The following SLX9 variants were observed in gnomAD, a reference collection of about 807,000 sequenced individuals.
The protein encoded by SLX9 is SLX9 ribosome biogenesis factor.
A neutral mutation model predicts 20.8 loss-of-function variants in SLX9; 19 were observed. The observed-to-expected ratio is 0.91, with a 90% CI of 0.64 to 1.34. The LOEUF is 1.34. Among genes scored for constraint, SLX9 ranks in the 40% most tolerant of loss-of-function variants. The pLI is 0.00. For missense variants in SLX9, 299 were observed against 322.2 expected, an observed-to-expected ratio of 0.93 and a Z score of 0.55; for synonymous variants, 113 against 137.1, an observed-to-expected ratio of 0.82 and a Z score of 1.23.
At chr21:44,950,306 T>A (rs557142511) in intron 2 of SLX9, among the ~76,000 whole-genome samples, 1 of 151,792 alleles carries the variant, frequency 6.6e-6, no homozygotes, top group East Asian at 1.9e-4. Context: ...CAGGAAACCA[T>A]GCAGAATGTA....
intron 2 of SLX9, among the ~76,000 whole-genome samples, chr21:44,949,479 G>A (rs895800760): frequency 1.3e-5 from 2 of 152,106 alleles, no homozygotes; most frequent in Non-Finnish European, 2.9e-5. Flanking sequence ...TCCCCAAAGC[G>A]CGGCCCCAGC....
chr21:44,968,227 A>G (rs1277609896), intron 4 of SLX9, among the ~76,000 whole-genome samples: 5 of 150,794 alleles, frequency 3.3e-5, no homozygotes, highest in African/African-American at 1.2e-4. Flanking sequence ...CCCCAGTGAC[A>G]CAACCCTGCC....
chr21:44,950,154 C>T (rs1158869803), intron 2 of SLX9, among the ~76,000 whole-genome samples: 1 of 151,746 alleles, frequency 6.6e-6, no homozygotes, highest in South Asian at 2.1e-4. Context: ...CCTTGCCCCA[C>T]CCTGCCTGTG....
At chr21:44,954,366 G>A (rs1355404862) in intron 2 of SLX9, among the ~76,000 whole-genome samples, 1 of 152,072 alleles carries the variant, frequency 6.6e-6, no homozygotes, top group African/African-American at 2.4e-5. Context: ...CCTTCTCTCA[G>A]GGGCCCCGTC....
At chr21:44,943,439 A>G (rs1443365940) in intron 1 of SLX9, among the ~76,000 whole-genome samples, 1 of 152,160 alleles carries the variant, frequency 6.6e-6, no homozygotes, top group Non-Finnish European at 1.5e-5. Flanking sequence ...CCAGGAGTGA[A>G]GCCCGTCTGG....
intron 4 of SLX9, among the ~76,000 whole-genome samples, chr21:44,971,627 T>C (rs2085151333): frequency 8.6e-6 from 1 of 116,616 alleles, no homozygotes; most frequent in Non-Finnish European, 1.8e-5. Context: ...AAGGATGTCC[T>C]GGACCCGGGC....
At chr21:44,964,549 G>T (rs1036264453) in intron 3 of SLX9, among the ~76,000 whole-genome samples, 1 of 152,140 alleles carries the variant, frequency 6.6e-6, no homozygotes, top group Non-Finnish European at 1.5e-5. Flanking sequence ...CCCAGGTAGC[G>T]CCTCTATGCT....
intron 2 of SLX9, among the ~76,000 whole-genome samples, chr21:44,958,636 G>A (rs1240944034): frequency 1.3e-5 from 2 of 152,264 alleles, no homozygotes; most frequent in East Asian, 1.9e-4. Flanking sequence ...GGGAGCAGGC[G>A]TGAACCTGTG....
At chr21:44,975,058 C>T (rs2123471393) in intron 5 of SLX9, among the ~76,000 whole-genome samples, 1 of 152,328 alleles carries the variant, frequency 6.6e-6, no homozygotes, top group Admixed American at 6.5e-5. Context: ...GAGAGGAGAG[C>T]AGGAGGCCCC....
At chr21:44,970,180 G>T (rs1322590972) in intron 4 of SLX9, among the ~76,000 whole-genome samples, 2 of 152,184 alleles carry the variant, frequency 1.3e-5, no homozygotes, top group African/African-American at 4.8e-5. Context: ...TCTACCTCCT[G>T]GAAGACACAG....
intron 2 of SLX9, among the ~76,000 whole-genome samples, chr21:44,948,393 CG>C (rs1302140382): frequency 6.7e-6 from 1 of 149,278 alleles, no homozygotes; most frequent in Admixed American, 6.6e-5. Flanking sequence ...CAGCATCGGG[CG>C]GTCCGGGGAG....
At chr21:44,952,157 T>C (rs1469515569) in intron 2 of SLX9, among the ~76,000 whole-genome samples, 1 of 152,074 alleles carries the variant, frequency 6.6e-6, no homozygotes, top group Non-Finnish European at 1.5e-5. Flanking sequence ...TCTGTGCCTG[T>C]GTCTCATGGC....
At chr21:44,955,327 C>T (rs576988493) in intron 2 of SLX9, among the ~76,000 whole-genome samples, 1 of 152,356 alleles carries the variant, frequency 6.6e-6, no homozygotes, top group South Asian at 2.1e-4. Context: ...CGGTGCTGGG[C>T]ACGTGCACCA....
intron 1 of SLX9, among the ~76,000 whole-genome samples, chr21:44,943,373 G>A (rs1048148719): frequency 1.3e-5 from 2 of 152,206 alleles, no homozygotes; most frequent in Admixed American, 1.3e-4. Context: ...AGAGTAAGAC[G>A]AAATGGTTGG....
intron 4 of SLX9, among the ~76,000 whole-genome samples, chr21:44,971,893 A>G (rs2085157277): frequency 6.6e-6 from 1 of 152,180 alleles, no homozygotes; most frequent in African/African-American, 2.4e-5. Flanking sequence ...GAGCCCCTGC[A>G]ATGAATGGAG....
chr21:44,949,950 A>G lies in SLX9; in HGVS notation c.283+6113A>G, dbSNP rs1421684157. Among the ~76,000 whole-genome samples, 6 of 152,286 alleles carry G rather than the reference A, an allele frequency of 3.9e-5. No individual in the cohort carries two copies. The South Asian group carries it at 8.3e-4, about 21-fold the overall frequency. Reference sequence around the variant, plus strand: ...TGATCTGGCCAGCAGAGGGCAGCAGAGCTGTGTCCTTGTCAGGTCAGCCCA... The same window carrying G: ...TGATCTGGCCAGCAGAGGGCAGCAGGGCTGTGTCCTTGTCAGGTCAGCCCA... On this transcript the variant is annotated intron_variant, in intron 2 of 5. Coordinates refer to ENST00000291634, the MANE Select transcript of SLX9 (RefSeq NM_058190.4).
chr21:44,947,193 C>T (rs1298861544), intron 2 of SLX9, among the ~76,000 whole-genome samples: 3 of 152,200 alleles, frequency 2.0e-5, no homozygotes, highest in Admixed American at 2.0e-4. Context: ...GTGCTGGGGC[C>T]TGAGTGCCCA....
chr21:44,953,939 T>C (rs1443749620), intron 2 of SLX9, among the ~76,000 whole-genome samples: 3 of 152,168 alleles, frequency 2.0e-5, no homozygotes, highest in South Asian at 2.1e-4. Flanking sequence ...GACCATGCCA[T>C]GTATGGGGAC....
Position 44,953,518 on chromosome 21 carries a change from G to C in SLX9, c.284-6582G>C, listed in dbSNP as rs754171138. 3.9e-5 allele frequency among the ~76,000 whole-genome samples: 6 copies of C among 152,182 alleles called. No homozygotes were observed. In the East Asian group the frequency reaches 5.8e-4, roughly 15 times the overall value. ...TCCCCGGCGGTGGGGCCCTGCATCC[G>C]GGCCTCGGGAGCCTGTCCTGCACCA... On this transcript the variant is annotated intron_variant, in intron 2 of 5. Coordinates refer to ENST00000291634, the MANE Select transcript of SLX9 (RefSeq NM_058190.4).
Sources: allele counts gnomAD v4.1 joint callset (sites outside exome capture counted in the v4.1 genomes callset), GRCh38; gene constraint gnomAD v4.1.1; transcripts MANE v1.5; gene names NCBI Gene and HGNC (gene_info 2026-07-23, HGNC 2026-07-21).